DLG5: variants seen among roughly 807,000 people sequenced by gnomAD.
The protein encoded by DLG5 is disks large homolog 5.
In DLG5, 48 loss-of-function variants were observed where a neutral mutation model predicts 189.8. That is an observed-to-expected ratio of 0.25 (90% confidence interval 0.20 to 0.32). DLG5 has a LOEUF of 0.32. Ranked by LOEUF, DLG5 falls within the 10% of genes least tolerant of loss-of-function variation. The pLI is 1.00. For synonymous variants in DLG5, 1,016 were observed against 1,054.1 expected, an observed-to-expected ratio of 0.96 and a Z score of 0.70; for missense variants, 2,160 against 2,544.7, an observed-to-expected ratio of 0.85 and a Z score of 3.25.
chr10:77,875,065 C>A (rs1267026142), intron 1 of DLG5, among the ~76,000 whole-genome samples: 1 of 152,238 alleles, frequency 6.6e-6, no homozygotes, highest in Non-Finnish European at 1.5e-5. Context: ...TTATTAGTCC[C>A]ATTTCACAGA....
chr10:77,850,454 AC>A (rs1406395303), intron 5 of DLG5, among the ~76,000 whole-genome samples: 22 of 152,054 alleles, frequency 1.4e-4, no homozygotes, highest in Middle Eastern at 3.2e-3. Context: ...CGGTCAGTAG[AC>A]CTTTGGGTTG....
intron 1 of DLG5, among the ~76,000 whole-genome samples, chr10:77,897,970 CCT>C (rs1254486308): frequency 6.6e-6 from 1 of 152,116 alleles, no homozygotes; most frequent in Non-Finnish European, 1.5e-5. Flanking sequence ...TAGCATAGCC[CCT>C]GAGGCTCCCC....
chr10:77,933,247 G>GTT, the DLG5 span, among the ~76,000 whole-genome samples: 1 of 151,750 alleles, frequency 6.6e-6, no homozygotes, highest in African/African-American at 2.4e-5. Context: ...TGTATTTTTT[G>GTT]TTTGTTTTTG....
At chr10:77,925,732 G>A (rs547845101) in intron 1 of DLG5, among the ~76,000 whole-genome samples, 6 of 152,362 alleles carry the variant, frequency 3.9e-5, no homozygotes, top group Non-Finnish European at 7.3e-5. Flanking sequence ...CAGAGAAAAA[G>A]GAGCTGGGAC....
intron 1 of DLG5, among the ~76,000 whole-genome samples, chr10:77,924,300 G>A (rs1217638507): frequency 1.3e-5 from 2 of 152,112 alleles, no homozygotes; most frequent in Non-Finnish European, 2.9e-5. Context: ...CAATGCCCTA[G>A]GGGATAAAAT....
Position 77,828,949 on chromosome 10 carries a change from G to A in DLG5, c.2222C>T (p.Ala741Val), listed in dbSNP as rs1444182833. The change falls in exon 13 of 32, where the codon GCC (alanine) becomes GTC (valine). Residue 741 changes from alanine to valine, a missense_variant. By Grantham distance (64) the Ala-to-Val change is moderately conservative. Transcript: ENST00000372391. The part of the protein sequence containing the change: ...GISLENGVYA[A>V]AVLPGSPAAK... ...GGCAGGGCTTCCAGGCAGCACAGCG[G>A]CAGCATACACTCCATTCTCCAGACT... The A allele has an allele frequency of 6.2e-7, 1 of 1,614,122 alleles. No individual in the cohort carries two copies. The highest frequency in any genetic ancestry group is 1.7e-5 in the Admixed American group (1 of 60,022).
upstream of DLG5, among the ~76,000 whole-genome samples, chr10:77,930,908 C>T (rs1000530256): frequency 1.9e-4 from 29 of 150,488 alleles, no homozygotes; most frequent in African/African-American, 5.9e-4. Context: ...GCAACCTCCA[C>T]CTTCCAGATT....
chr10:77,800,097 G>T (rs770176341), intron 27 of DLG5, among the ~76,000 whole-genome samples: 38 of 152,152 alleles, frequency 2.5e-4, no homozygotes, highest in Non-Finnish European at 4.1e-4. Flanking sequence ...AGCAGGGTGG[G>T]GGGTACCAGG....
intron 20 of DLG5, among the ~76,000 whole-genome samples, chr10:77,812,641 G>C (rs1417879779): frequency 5.9e-5 from 9 of 152,174 alleles, no homozygotes; most frequent in Admixed American, 5.9e-4. Context: ...CGGTCCGTGT[G>C]AACTATAAAC....
rs914344584 is a variant in DLG5, at chr10:77,821,096, C to G, written c.3388G>C (p.Ala1130Pro). 2 of 1,611,698 alleles carry G rather than the reference C, an allele frequency of 1.2e-6. No homozygotes were observed. The highest frequency in any genetic ancestry group is 1.7e-6 in the Non-Finnish European group (2 of 1,178,956). The change falls in exon 15 of 32, where the codon GCT becomes CCT. Residue 1130 changes from alanine (A) to proline (P), a missense_variant. Around this residue, in one of 5 missense-constraint regions of DLG5, gnomAD observed 754 missense variants for 746.5 expected, o/e 1.01. Coordinates refer to ENST00000372391, the MANE Select transcript of DLG5 (RefSeq NM_004747.4). ...CTCAGCTATACCTCCAGGAACTGAG[C>G]AGGAATCACTACTGGAGCAAGCTTC... Reference protein sequence around the residue: ...RPKLAPVVIPAQFLEEQKCVP... With the variant: ...RPKLAPVVIPPQFLEEQKCVP...
Position 77,854,253 on chromosome 10 carries a change from C to T in DLG5, c.654G>A (p.Glu218=), listed in dbSNP as rs1844119244. The T allele has an allele frequency of 1.2e-6, 2 of 1,614,188 alleles. No homozygotes were observed. The highest frequency in any genetic ancestry group is 4.5e-5 in the East Asian group (2 of 44,878). Residue 218 remains glutamate, a synonymous_variant, in exon 4 of 32, where the codon GAG becomes GAA. Coordinates refer to ENST00000372391, the MANE Select transcript of DLG5 (RefSeq NM_004747.4). ...QHTNALKRCE[E]VAKETDFYHT... ...GGTAGAAGTCAGTCTCCTTGGCCACCTCCTCACACCTCTTCAAGGCGTTGG... is the reference window on the plus strand; with the variant it reads ...GGTAGAAGTCAGTCTCCTTGGCCACTTCCTCACACCTCTTCAAGGCGTTGG...
At position 77,820,017 on chromosome 10, in the gene DLG5, T is replaced by G. The variant is rs143246135; in HGVS notation, c.3404A>C (p.Glu1135Ala). 9.7e-4 allele frequency: 1,560 copies of G among 1,613,286 alleles called. 2 individuals are homozygous for G. Among genetic ancestry groups the G allele is most frequent in the South Asian group, 2.2e-3 (197 of 91,076 alleles). ...TCCACTGGCCGGGACACACTTCTGTTCCTGCAGATGCAAGGGCAAGAGTGT... is the reference window on the plus strand; with the variant it reads ...TCCACTGGCCGGGACACACTTCTGTGCCTGCAGATGCAAGGGCAAGAGTGT... ...PVVIPAQFLE[E>A]QKCVPASGEL... is the part of the protein sequence containing the mutation. The change falls in exon 16 of 32, where the codon GAA (glutamate) becomes GCA (alanine). Residue 1135 changes from glutamate (E) to alanine (A), a missense_variant and splice_region_variant. Glu to Ala is a moderately radical substitution (Grantham distance 107). Coordinates refer to ENST00000372391, the MANE Select transcript of DLG5 (RefSeq NM_004747.4).
At chr10:77,793,542 TG>T in intron 31 of DLG5, 2 of 149,528 alleles carry the variant, frequency 1.3e-5, no homozygotes, top group East Asian at 2.0e-4. Flanking sequence ...TGTTTTTTTT[TG>T]TTTTGTTTTT....
chr10:77,801,760 C>T (rs146813604), intron 27 of DLG5, among the ~76,000 whole-genome samples: 42 of 152,356 alleles, frequency 2.8e-4, no homozygotes, highest in African/African-American at 9.4e-4. Flanking sequence ...GGAAAGATGA[C>T]TTCTCACCAG....
chr10:77,836,013 C>T (rs968679748), intron 7 of DLG5, 91 bp from the exon 8 acceptor site: 2 of 1,359,926 alleles, frequency 1.5e-6, no homozygotes, highest in South Asian at 1.4e-5. Context: ...AAGGCTGAGG[C>T]TCTAGGGAGC....
intron 1 of DLG5, among the ~76,000 whole-genome samples, chr10:77,872,576 A>G (rs1233935339): frequency 6.6e-6 from 1 of 151,998 alleles, no homozygotes; most frequent in East Asian, 1.9e-4. Flanking sequence ...ATGTTCCCAG[A>G]GCCTTGGACG....
Position 77,909,376 on chromosome 10 carries a change from G to C in DLG5, c.304+16841C>G, listed in dbSNP as rs139706910. On this transcript the variant is annotated intron_variant, in intron 1 of 31. Coordinates refer to ENST00000372391, the MANE Select transcript of DLG5 (RefSeq NM_004747.4). ...TGTCAGGGGTGGGGGTCTAGGAGAG[G>C]GATAGCAACAGAAGAAATACCTAAT... Among the ~76,000 whole-genome samples, 791 of 152,186 alleles carry C rather than the reference G, an allele frequency of 5.2e-3. 8 individuals carry two copies. The highest frequency in any genetic ancestry group is 0.018 in the African/African-American group (752 of 41,500).
rs977632051 is a variant in DLG5 at position 77,813,096 on chromosome 10, C to T, written c.4026-719G>A. Among the ~76,000 whole-genome samples the T allele has an allele frequency of 3.9e-5, 6 of 152,218 alleles. No individual in the cohort carries two copies. In the South Asian group the frequency reaches 6.2e-4, roughly 16 times the overall value. On this transcript the variant is annotated intron_variant, in intron 20 of 31. Coordinates refer to ENST00000372391, the MANE Select transcript of DLG5 (RefSeq NM_004747.4). ...CAAAGGTTAGAAAGAAGATAAGGGA[C>T]GCTCAGAGGAGAAAGACAATCAGAG...
At chr10:77,867,167 G>A in intron 2 of DLG5, 2 of 435,794 alleles carry the variant, frequency 4.6e-6, no homozygotes, top group South Asian at 3.3e-5. Context: ...AATATGCTGG[G>A]GTCCAGCTGC....
Sources: allele counts gnomAD v4.1 joint callset (sites outside exome capture counted in the v4.1 genomes callset), GRCh38; gene constraint gnomAD v4.1.1; regional missense constraint gnomAD v4.1.1; transcripts MANE v1.5; gene names NCBI Gene and HGNC (gene_info 2026-07-23, HGNC 2026-07-21).